The following ARMC2 variants were observed in gnomAD, a reference collection of about 807,000 sequenced individuals.
ARMC2 encodes armadillo repeat containing 2, also known as armadillo repeat-containing protein 2.
In ARMC2, 67 loss-of-function variants were observed where a neutral mutation model predicts 90.3. The ratio of observed to expected loss-of-function variants is 0.74; its 90% CI spans 0.61 to 0.91. ARMC2 has a LOEUF of 0.91. Ranked by LOEUF, ARMC2 falls within the 40% of genes least tolerant of loss-of-function variation. The probability of loss-of-function intolerance (pLI) is 0.00; values close to 1 mark genes in which losing one functional copy is unlikely to be tolerated. For synonymous variants in ARMC2, 393 were observed against 393.0 expected (o/e 1.00, Z 0.00); for missense variants, 920 against 1,030.9 (o/e 0.89, Z 1.47).
the ARMC2 span, among the ~76,000 whole-genome samples, chr6:109,047,457 T>C: frequency 8.4e-6 from 1 of 118,772 alleles, no homozygotes; most frequent in South Asian, 3.5e-4. Context: ...AGCCGCCCCA[T>C]CCGGGAGGGA....
the ARMC2 span, chr6:109,002,363 C>T: frequency 6.2e-7 from 1 of 1,603,684 alleles, no homozygotes. Context: ...AAAATTACAC[C>T]ATCTCAGGCC....
At chr6:108,994,001 A>G in the ARMC2 span, among the ~76,000 whole-genome samples, 5 of 152,054 alleles carry the variant, frequency 3.3e-5, no homozygotes, top group Non-Finnish European at 7.4e-5. Flanking sequence ...TTAAGCAGGC[A>G]TGGTGGCATG....
intron 17 of ARMC2, 31 bp downstream of exon 17, chr6:108,965,171 G>C: frequency 6.4e-7 from 1 of 1,564,984 alleles, no homozygotes; most frequent in Non-Finnish European, 8.8e-7. Context: ...GAGTCTGTGA[G>C]TTTTATCAGA....
chr6:109,003,521 A>G, the ARMC2 span, among the ~76,000 whole-genome samples: 1 of 152,170 alleles, frequency 6.6e-6, no homozygotes, highest in Non-Finnish European at 1.5e-5. Flanking sequence ...AGGAGACATC[A>G]AGATTCAAAG....
chr6:108,976,138 G>T (rs1778979568), downstream of ARMC2, among the ~76,000 whole-genome samples: 1 of 152,116 alleles, frequency 6.6e-6, no homozygotes, highest in African/African-American at 2.4e-5. Context: ...ATGGTTTTAG[G>T]TCTTACATTT....
chr6:108,907,782 G>A, intron 8 of ARMC2: 1 of 1,610,728 alleles, frequency 6.2e-7, no homozygotes, highest in Non-Finnish European at 8.5e-7. Flanking sequence ...ATGCCACTAG[G>A]GCTGAAGTCC....
At chr6:108,894,007 A>T (rs1771357024) in intron 5 of ARMC2, among the ~76,000 whole-genome samples, 1 of 152,130 alleles carries the variant, frequency 6.6e-6, no homozygotes, top group East Asian at 1.9e-4. Flanking sequence ...CAAAAACAAA[A>T]ACAAAAAAAA....
At chr6:108,874,243 A>G (rs576892414) in intron 4 of ARMC2, among the ~76,000 whole-genome samples, 1 of 152,314 alleles carries the variant, frequency 6.6e-6, no homozygotes, top group East Asian at 1.9e-4. Flanking sequence ...AGTAGATTTG[A>G]AGATAGACAG....
the ARMC2 span, among the ~76,000 whole-genome samples, chr6:109,041,397 G>A: frequency 6.6e-6 from 1 of 152,034 alleles, no homozygotes; most frequent in African/African-American, 2.4e-5. Context: ...CAACAACTCA[G>A]TAAATCTACC....
At chr6:108,912,272 C>A in intron 9 of ARMC2, 63 bp from the exon 10 acceptor site, 1 of 1,198,482 alleles carries the variant, frequency 8.3e-7, no homozygotes, top group Non-Finnish European at 1.2e-6. Flanking sequence ...CACACAAGTG[C>A]TTTAATATAT....
the ARMC2 span, among the ~76,000 whole-genome samples, chr6:109,027,904 C>A: frequency 6.6e-6 from 1 of 151,952 alleles, no homozygotes; most frequent in Non-Finnish European, 1.5e-5. Context: ...AACCTTTTGT[C>A]CATTTTTTAT....
the ARMC2 span, among the ~76,000 whole-genome samples, chr6:109,021,059 T>C: frequency 6.6e-6 from 1 of 152,148 alleles, no homozygotes; most frequent in Non-Finnish European, 1.5e-5. Flanking sequence ...AATGGGGTGA[T>C]CATGGCTCAC....
At chr6:108,922,375 C>T (rs1417081628) in intron 10 of ARMC2, among the ~76,000 whole-genome samples, 2 of 152,020 alleles carry the variant, frequency 1.3e-5, no homozygotes, top group Admixed American at 1.3e-4. Flanking sequence ...GGGGTTCAGG[C>T]GATTCTCCTG....
At chr6:108,875,460 A>G (rs376415765) in intron 4 of ARMC2, among the ~76,000 whole-genome samples, 1 of 151,882 alleles carries the variant, frequency 6.6e-6, no homozygotes, top group African/African-American at 2.4e-5. Context: ...ACTTCAGCCT[A>G]CCTTAGAGCC....
chr6:108,998,569 T>C, the ARMC2 span: 1 of 1,613,850 alleles, frequency 6.2e-7, no homozygotes. Flanking sequence ...TTGCCATTTG[T>C]AATGTCACAG....
intron 12 of ARMC2, among the ~76,000 whole-genome samples, chr6:108,941,303 G>A (rs1330153911): frequency 6.6e-6 from 1 of 152,070 alleles, no homozygotes; most frequent in African/African-American, 2.4e-5. Flanking sequence ...CCTCATCAGT[G>A]CAACATTTTT....
At chr6:108,958,581 A>G (rs778410925) in intron 13 of ARMC2, among the ~76,000 whole-genome samples, 3 of 152,170 alleles carry the variant, frequency 2.0e-5, no homozygotes, top group Admixed American at 1.3e-4. Context: ...TCTCCTACCA[A>G]GGCAAGAGAA....
chr6:108,920,153 C>T (rs918716255), intron 10 of ARMC2, among the ~76,000 whole-genome samples: 7 of 152,134 alleles, frequency 4.6e-5, no homozygotes, highest in Admixed American at 3.9e-4. Flanking sequence ...TGGTATTGAT[C>T]ACTACACTGG....
At chr6:108,859,331 C>CCTT (rs142717950) in intron 3 of ARMC2, among the ~76,000 whole-genome samples, 1,795 of 152,224 alleles carry the variant, frequency 0.012, 34 homozygotes, top group African/African-American at 0.042. Flanking sequence ...GACGGCTTCT[C>CCTT]CTTGTGCTGG....
Sources: allele counts gnomAD v4.1 joint callset (sites outside exome capture counted in the v4.1 genomes callset), GRCh38; gene constraint gnomAD v4.1.1; transcripts MANE v1.5; gene names NCBI Gene and HGNC (gene_info 2026-07-23, HGNC 2026-07-21).